The following IL3RA variants were observed in gnomAD, a reference collection of about 807,000 sequenced individuals.
IL3RA encodes the protein interleukin 3 receptor subunit alpha, also known as interleukin-3 receptor subunit alpha.
Under a neutral mutation model 52.3 loss-of-function variants are expected in IL3RA, and 73 were observed. The ratio of observed to expected loss-of-function variants is 1.40; its 90% CI spans 1.16 to 1.70. IL3RA has a LOEUF of 1.70. IL3RA is among the 40% of genes most tolerant of loss of function. The probability of loss-of-function intolerance (pLI) is 0.00; values close to 1 mark genes in which losing one functional copy is unlikely to be tolerated. For missense variants in IL3RA, 664 were observed against 504.4 expected, an observed-to-expected ratio of 1.32 and a Z score of -3.03; for synonymous variants, 260 against 194.0, an observed-to-expected ratio of 1.34 and a Z score of -2.83.
At chrX:1,379,870 C>T (rs1416169644) in intron 10 of IL3RA, among the ~76,000 whole-genome samples, 1 of 152,356 alleles carries the variant, frequency 6.6e-6, no homozygotes, top group African/African-American at 2.4e-5. Flanking sequence ...AGCGATTCTC[C>T]TGCCTCAGCC....
chrX:1,348,268 G>C (rs776062029), intron 3 of IL3RA, among the ~76,000 whole-genome samples, 163 bp from the exon 4 acceptor site: 2 of 151,388 alleles, frequency 1.3e-5, no homozygotes, highest in Non-Finnish European at 2.9e-5. Flanking sequence ...CAGGAGAATG[G>C]CTTGAACCCG....
chrX:1,367,716 AGCGGGGTGC>A (rs1215852123), intron 9 of IL3RA, among the ~76,000 whole-genome samples: 3 of 89,298 alleles, frequency 3.4e-5, no homozygotes, highest in South Asian at 4.2e-4. Flanking sequence ...GCGCGGGGTG[AGCGGGGTGC>A]GCCGGGTGAG....
intron 9 of IL3RA, among the ~76,000 whole-genome samples, chrX:1,367,710 G>A (rs867804985): frequency 1.8e-5 from 2 of 114,102 alleles, no homozygotes; most frequent in African/African-American, 6.8e-5. Context: ...CCGGGTGCGC[G>A]GGGTGAGCGG....
intron 1 of IL3RA, among the ~76,000 whole-genome samples, chrX:1,339,771 A>G (rs1287382892): frequency 6.6e-6 from 1 of 152,022 alleles, no homozygotes. Flanking sequence ...CGGCCTGGAC[A>G]ACAAGAGTGA....
chrX:1,363,108 T>G (rs1176971204), intron 8 of IL3RA, among the ~76,000 whole-genome samples: 1 of 150,150 alleles, frequency 6.7e-6, no homozygotes, highest in Admixed American at 6.7e-5. Flanking sequence ...TATTGGTCAT[T>G]GCATTTAGGG....
At chrX:1,345,007 A>G in intron 2 of IL3RA, among the ~76,000 whole-genome samples, 1 of 18,112 alleles carries the variant, frequency 5.5e-5, no homozygotes, top group Non-Finnish European at 1.9e-4. Flanking sequence ...CTAAAAATAC[A>G]AAAAAAAAAA....
intron 8 of IL3RA, among the ~76,000 whole-genome samples, chrX:1,364,164 G>A (rs1224626868): frequency 1.3e-5 from 2 of 149,992 alleles, no homozygotes; most frequent in Admixed American, 6.7e-5. Flanking sequence ...CTCCAGCCTG[G>A]GGGACAGAGT....
intron 7 of IL3RA, among the ~76,000 whole-genome samples, chrX:1,357,738 G>A (rs1343246293): frequency 6.6e-6 from 1 of 150,468 alleles, no homozygotes; most frequent in Admixed American, 6.6e-5. Flanking sequence ...GCTAAAAAAC[G>A]TTAGGTCTAT....
chrX:1,361,947 G>C (rs762237827), intron 8 of IL3RA, among the ~76,000 whole-genome samples: 1 of 151,772 alleles, frequency 6.6e-6, no homozygotes, highest in Non-Finnish European at 1.5e-5. Context: ...GATGAGATTT[G>C]GGTGGGGACA....
intron 8 of IL3RA, among the ~76,000 whole-genome samples, chrX:1,363,500 C>T (rs2087641117): frequency 6.6e-6 from 1 of 151,120 alleles, no homozygotes; most frequent in African/African-American, 2.4e-5. Flanking sequence ...CGGGGTTTCA[C>T]TGTGGTCTCG....
At chrX:1,350,024 G>A (rs2086013250) in intron 4 of IL3RA, among the ~76,000 whole-genome samples, 1 of 152,110 alleles carries the variant, frequency 6.6e-6, no homozygotes, top group Admixed American at 6.6e-5. Context: ...GACCACTCCA[G>A]AGCGTGACAC....
intron 9 of IL3RA, among the ~76,000 whole-genome samples, chrX:1,365,859 AGCGGGGTGC>A (rs2087961163): frequency 5.5e-5 from 1 of 18,140 alleles, no homozygotes; most frequent in Non-Finnish European, 8.2e-5. Context: ...GAGCGGGGTG[AGCGGGGTGC>A]GCGGGGTGAG....
At chrX:1,370,469 G>A (rs1246295098) in intron 9 of IL3RA, among the ~76,000 whole-genome samples, 1 of 8,518 alleles carries the variant, frequency 1.2e-4, no homozygotes, top group Non-Finnish European at 1.9e-4. Flanking sequence ...TTTCTAAGCC[G>A]CCCAGCCTCT....
At position 1,382,487 on chromosome X, in the gene IL3RA, G is replaced by A; in HGVS notation, c.*22G>A. 1.2e-6 allele frequency: 2 copies of A among 1,610,948 alleles called. No individual in the cohort carries two copies. The highest frequency in any genetic ancestry group is 2.2e-5 in the East Asian group (1 of 44,856). ...TTGAGACTGGGGTTCAGGGCTTGTG[G>A]GGGTCTGCCTCAATCTCCCTGGCCG... On this transcript the variant is annotated 3_prime_UTR_variant, in exon 12 of 12. Transcript: ENST00000331035.
chrX:1,353,400 C>CCCA, intron 6 of IL3RA, among the ~76,000 whole-genome samples: 1 of 144,036 alleles, frequency 6.9e-6, no homozygotes, highest in African/African-American at 2.6e-5. Context: ...ATAGGACCCC[C>CCCA]ATCATGGATT....
chrX:1,363,864 C>T (rs1349069489), intron 8 of IL3RA, among the ~76,000 whole-genome samples: 2 of 151,754 alleles, frequency 1.3e-5, no homozygotes, highest in Non-Finnish European at 2.9e-5. Context: ...AAACTACAGG[C>T]GTTTGCCACC....
At chrX:1,367,434 G>C (rs2088182816) in intron 9 of IL3RA, among the ~76,000 whole-genome samples, 2 of 73,852 alleles carry the variant, frequency 2.7e-5, no homozygotes, top group African/African-American at 1.2e-4. Flanking sequence ...GGTGCGCGGG[G>C]TGAGCCGGGT....
chrX:1,349,889 T>C (rs1413446494), intron 4 of IL3RA, among the ~76,000 whole-genome samples: 1 of 151,480 alleles, frequency 6.6e-6, no homozygotes, highest in East Asian at 2.0e-4. Flanking sequence ...CCTGACCTTG[T>C]GATCCACCCG....
chrX:1,378,239 C>T (rs768868038), intron 9 of IL3RA, among the ~76,000 whole-genome samples: 16 of 151,902 alleles, frequency 1.1e-4, no homozygotes, highest in African/African-American at 3.9e-4. Context: ...ACACAAATTC[C>T]ATGATAAACA....
Sources: gnomAD v4.1 joint callset for allele counts (sites outside exome capture counted in the v4.1 genomes callset) on GRCh38, gnomAD v4.1.1 for gene constraint, MANE v1.5 for transcripts, NCBI Gene and HGNC (gene_info 2026-07-23, HGNC 2026-07-21) for gene names.